FMNL1: variants seen among roughly 807,000 people sequenced by gnomAD.
FMNL1 encodes the protein formin like 1.
Under a neutral mutation model 121.3 loss-of-function variants are expected in FMNL1, and 43 were observed. The observed-to-expected ratio is 0.35, with a 90% CI of 0.28 to 0.46. The LOEUF (loss-of-function observed/expected upper bound fraction) is 0.46, where lower values mean the gene tolerates loss of function less well. FMNL1 is among the 20% of genes least tolerant of loss of function. FMNL1 has a pLI of 1.00. For synonymous variants in FMNL1, 613 were observed against 613.5 expected, an observed-to-expected ratio of 1.00 and a Z score of 0.01; for missense variants, 1,191 against 1,482.4, an observed-to-expected ratio of 0.80 and a Z score of 3.23.
Position 45,221,968 on chromosome 17 carries a change from G to A in FMNL1, c.-157G>A. 2.2e-6 allele frequency: 1 copy of A among 459,542 alleles called. No homozygotes were observed. Among genetic ancestry groups the A allele is most frequent in the Non-Finnish European group, 3.3e-6 (1 of 302,322 alleles). The allele number at this position is 459,542 out of a possible 1,614,324, so 28.5% of individuals were successfully genotyped here. ...TGGGACGCCGCGCTCCGGCCCCTGCGCGCCGCTGAGCCGAGCGCCCCCCGC... is the reference window on the plus strand; with the variant it reads ...TGGGACGCCGCGCTCCGGCCCCTGCACGCCGCTGAGCCGAGCGCCCCCCGC... On this transcript the variant is annotated 5_prime_UTR_variant, in exon 1 of 27. Transcript: ENST00000331495.
chr17:45,243,687 G>T lies in FMNL1; in HGVS notation c.2214-104G>T. On this transcript the variant is annotated intron_variant, in intron 17 of 26. Coordinates refer to ENST00000331495, the MANE Select transcript of FMNL1 (RefSeq NM_005892.4). ...TGCTCTCTGAAGCTGTTGGCAAATA[G>T]AAAATACTGAAATTCATTTATTCAA... 5 of 1,142,840 alleles carry T rather than the reference G, an allele frequency of 4.4e-6. No homozygotes were observed. In the South Asian group the frequency reaches 6.3e-5, roughly 14 times the overall value. 70.8% of individuals were successfully genotyped at this position (1,142,840 alleles called of 1,614,324 possible).
In FMNL1 at chr17:45,233,357, C is replaced by T; in HGVS notation, c.401+60C>T. On this transcript the variant is annotated intron_variant, in intron 4 of 26. Coordinates refer to ENST00000331495, the MANE Select transcript of FMNL1 (RefSeq NM_005892.4). The surrounding 1 kb of genome is among the most constrained non-coding windows in gnomAD (Gnocchi z 4.1). ...AGGAAGGCTCTGCTTCCAGGCAGCT[C>T]CTGGAGCTTCCCCTTCCTACTCCCC... 6.6e-7 allele frequency: 1 copy of T among 1,506,166 alleles called. No individual in the cohort carries two copies. The highest frequency in any genetic ancestry group is 2.5e-5 in the East Asian group (1 of 40,540). The allele number at this position is 1,506,166 out of a possible 1,614,324, so 93.3% of individuals were successfully genotyped here.
intron 1 of FMNL1, among the ~76,000 whole-genome samples, chr17:45,224,325 G>A (rs2043290102): frequency 6.6e-6 from 1 of 152,124 alleles, no homozygotes; most frequent in Non-Finnish European, 1.5e-5. Flanking sequence ...TAAAGAGTTG[G>A]TTCAACCCTC....
At position 45,232,491 on chromosome 17, in the gene FMNL1, C is replaced by T. The variant is rs769042578; in HGVS notation, c.327+11C>T. The T allele has an allele frequency of 2.5e-6, 4 of 1,611,850 alleles. No individual in the cohort carries two copies. Among genetic ancestry groups the T allele is most frequent in the East Asian group, 2.2e-5 (1 of 44,874 alleles). On this transcript the variant is annotated intron_variant, in intron 3 of 26. Transcript: ENST00000331495. ...ATGTCCAACCTGGGGGTACATGTCT[C>T]CCCTCTTTACTCTGTCCCTTTCCCC...
chr17:45,230,191 A>C (rs534867015), intron 1 of FMNL1, among the ~76,000 whole-genome samples: 1 of 152,144 alleles, frequency 6.6e-6, no homozygotes, highest in Admixed American at 6.5e-5. Context: ...CTTTGGCCTG[A>C]CTGGTGATGG....
chr17:45,233,337 G>C lies in FMNL1; in HGVS notation c.401+40G>C. On this transcript the variant is annotated intron_variant, in intron 4 of 26. Coordinates refer to ENST00000331495, the MANE Select transcript of FMNL1 (RefSeq NM_005892.4). This position sits in a 1 kb window ranked among gnomAD's most constrained non-coding sequence, Gnocchi z 4.1. ...AGATCTTCCTCTCTGGGCCTAGGAAGGCTCTGCTTCCAGGCAGCTCCTGGA... is the reference window on the plus strand; with the variant it reads ...AGATCTTCCTCTCTGGGCCTAGGAACGCTCTGCTTCCAGGCAGCTCCTGGA... 6.5e-7 allele frequency: 1 copy of C among 1,541,534 alleles called. No homozygotes were observed. Among genetic ancestry groups the C allele is most frequent in the Non-Finnish European group, 8.8e-7 (1 of 1,140,646 alleles).
chr17:45,245,024 T>C lies in FMNL1; in HGVS notation c.2644T>C (p.Tyr882His). The change falls in exon 21 of 27, where the codon TAC (tyrosine) becomes CAC (histidine). Residue 882 changes from tyrosine to histidine, a missense_variant. Tyr to His is a moderately conservative substitution (Grantham distance 83, BLOSUM62 2). Coordinates refer to ENST00000331495, the MANE Select transcript of FMNL1 (RefSeq NM_005892.4). The part of the protein sequence containing the change: ...STDRKQTLLH[Y>H]LVKVIAEKYP... ...TGATCGCAAGCAGACGCTGCTGCAC[T>C]ACCTGGTGAAGGTCATTGCTGAGAA... 1 of 1,614,188 alleles carries C rather than the reference T, an allele frequency of 6.2e-7. No individual in the cohort carries two copies. The highest frequency in any genetic ancestry group is 8.5e-7 in the Non-Finnish European group (1 of 1,180,000).
intron 9 of FMNL1, chr17:45,238,296 G>A (rs2043595860): frequency 2.5e-6 from 1 of 396,036 alleles, no homozygotes; most frequent in African/African-American, 2.1e-5. Context: ...CAAGGGACTT[G>A]GTGTGGGAGT....
Position 45,233,638 on chromosome 17 carries a change from G to T in FMNL1, c.402-10G>T. ...TTCTGGCTGGAGCTCAGGGAGCCCT[G>T]TGCCCACAGGTGGGTGCAGGAGTTC... On this transcript the variant is annotated splice_polypyrimidine_tract_variant and intron_variant, in intron 4 of 26. Coordinates refer to ENST00000331495, the MANE Select transcript of FMNL1 (RefSeq NM_005892.4). The surrounding 1 kb of genome is among the most constrained non-coding windows in gnomAD (Gnocchi z 4.1). 2 of 1,613,948 alleles carry T rather than the reference G, an allele frequency of 1.2e-6. No homozygotes were observed. The highest frequency in any genetic ancestry group is 1.1e-5 in the South Asian group (1 of 91,092).
At chr17:45,236,551 G>A (rs531264688) in intron 7 of FMNL1, 9 of 244,328 alleles carry the variant, frequency 3.7e-5, no homozygotes, top group African/African-American at 1.3e-4. Context: ...GAACAGCCTC[G>A]GGTCGATTCA....
At position 45,234,092 on chromosome 17, in the gene FMNL1, A is replaced by G. The variant is rs1242990462; in HGVS notation, c.506A>G (p.Asp169Gly). The change falls in exon 6 of 27, where the codon GAC becomes GGC. Residue 169 changes from aspartate (D) to glycine (G), a missense_variant. Transcript: ENST00000331495. ...CCCAGGTATGACATGGAGAGCACAG[A>G]CAACGGGGCTTCCAACTCAGAGAAA... is the stretch of plus-strand genomic sequence containing the variant. ...CSVTYDMESTDNGASNSEKNK... is the reference protein window; with the variant it reads ...CSVTYDMESTGNGASNSEKNK... The G allele has an allele frequency of 2.5e-6, 4 of 1,614,002 alleles. No homozygotes were observed. In the African/African-American group the frequency reaches 5.3e-5, roughly 22 times the overall value.
intron 1 of FMNL1, 137 bp from the exon 2 acceptor site, chr17:45,230,467 G>A (rs1054198183): frequency 1.3e-5 from 9 of 684,160 alleles, no homozygotes; most frequent in East Asian, 2.8e-5. Flanking sequence ...ATAACACTAC[G>A]TATCTCCTAG....
chr17:45,242,730 T>G (rs746988288), intron 16 of FMNL1, among the ~76,000 whole-genome samples: 6 of 152,246 alleles, frequency 3.9e-5, no homozygotes, highest in Non-Finnish European at 8.8e-5. Context: ...TTCCTTCCAC[T>G]TTCCCACAGG....
At chr17:45,230,124 C>T (rs996693034) in intron 1 of FMNL1, among the ~76,000 whole-genome samples, 5 of 152,194 alleles carry the variant, frequency 3.3e-5, no homozygotes, top group African/African-American at 1.2e-4. Context: ...GGTCTGTGTA[C>T]ACGTGGGATC....
intron 1 of FMNL1, among the ~76,000 whole-genome samples, chr17:45,229,647 T>G (rs892887030): frequency 3.3e-5 from 5 of 152,202 alleles, no homozygotes; most frequent in Non-Finnish European, 7.4e-5. Context: ...TTTGGGTCTG[T>G]CAGGGAGACA....
intron 1 of FMNL1, among the ~76,000 whole-genome samples, chr17:45,225,207 C>G (rs1476059834): frequency 2.0e-5 from 3 of 152,246 alleles, no homozygotes; most frequent in Admixed American, 2.0e-4. Flanking sequence ...GCCCAGAGGC[C>G]TGGGTGCCTG....
At chr17:45,228,812 A>G (rs1180263723) in intron 1 of FMNL1, among the ~76,000 whole-genome samples, 1 of 146,518 alleles carries the variant, frequency 6.8e-6, no homozygotes, top group African/African-American at 2.6e-5. Context: ...GGGCTCAGCC[A>G]TCCCCTTACT....
chr17:45,242,609 G>C, intron 16 of FMNL1, 144 bp downstream of exon 16: 1 of 1,300,494 alleles, frequency 7.7e-7, no homozygotes, highest in Admixed American at 2.7e-5. Flanking sequence ...CATTAAGCCA[G>C]ACTGGACCAA....
Position 45,241,854 on chromosome 17 carries a change from A to G in FMNL1, c.1593A>G (p.Ala531=). The G allele has an allele frequency of 7.0e-7, 1 of 1,427,630 alleles. No individual in the cohort carries two copies. The highest frequency in any genetic ancestry group is 1.5e-5 in the South Asian group (1 of 68,816). 88.4% of individuals were successfully genotyped at this position (1,427,630 alleles called of 1,614,324 possible). The part of the protein sequence containing the change: ...VPTGSPSPDL[A]PAAEPAPGAA... ...GCGCCCTCGCTGGCTCAGATCTCGC[A>G]CCTGCAGCAGAGCCGGCTCCCGGAG... Residue 531 remains alanine, a synonymous_variant, in exon 15 of 27, where the codon GCA becomes GCG. Coordinates refer to ENST00000331495, the MANE Select transcript of FMNL1 (RefSeq NM_005892.4). The surrounding 1 kb of genome is among the most constrained non-coding windows in gnomAD (Gnocchi z 7.0).
Sources: allele counts gnomAD v4.1 joint callset (sites outside exome capture counted in the v4.1 genomes callset), GRCh38; gene constraint gnomAD v4.1.1; non-coding constraint Gnocchi (gnomAD v3.1); transcripts MANE v1.5; gene names NCBI Gene and HGNC (gene_info 2026-07-23, HGNC 2026-07-21).